NCOR1: variants seen among roughly 807,000 people sequenced by gnomAD.
The protein encoded by NCOR1 is protein phosphatase 1, regulatory subunit 109.
Under a neutral mutation model 288.1 loss-of-function variants are expected in NCOR1, and 63 were observed. The observed-to-expected ratio is 0.22, with a 90% CI of 0.18 to 0.27. The LOEUF is 0.27. Ranked by LOEUF, NCOR1 falls within the 10% of genes least tolerant of loss-of-function variation. The pLI, the probability that NCOR1 is intolerant of heterozygous loss-of-function variation, is 1.00. For missense variants in NCOR1, 2,397 were observed against 3,019.2 expected, an observed-to-expected ratio of 0.79 and a Z score of 4.83; for synonymous variants, 1,007 against 1,065.9, an observed-to-expected ratio of 0.94 and a Z score of 1.08.
intron 13 of NCOR1, chr17:16,137,923 T>C: frequency 2.3e-6 from 1 of 428,678 alleles, no homozygotes; most frequent in Non-Finnish European, 4.1e-6. Context: ...AGCATTGTAA[T>C]CTATGTGTTT....
chr17:16,080,767 C>G, intron 23 of NCOR1, 40 bp from the exon 24 acceptor site: 1 of 1,569,236 alleles, frequency 6.4e-7, no homozygotes, highest in Non-Finnish European at 8.7e-7. Context: ...ATTAAGCAAA[C>G]ATTGTTTTTT....
chr17:16,099,133 C>T (rs769368271), intron 20 of NCOR1, among the ~76,000 whole-genome samples: 1 of 152,230 alleles, frequency 6.6e-6, no homozygotes, highest in African/African-American at 2.4e-5. Flanking sequence ...CAGCGACCTG[C>T]CATGCATCCA....
rs780562500 is a variant in NCOR1, at chr17:16,080,064, C to T, written c.3401G>A (p.Gly1134Asp). 6.2e-7 allele frequency: 1 copy of T among 1,613,244 alleles called. No individual in the cohort carries two copies. The highest frequency in any genetic ancestry group is 1.1e-5 in the South Asian group (1 of 91,056). Residue 1134 changes from glycine to aspartate, a missense_variant and splice_region_variant, in exon 26 of 46, where the codon GGT becomes GAT. Gly to Asp is a moderately conservative substitution (Grantham distance 94, BLOSUM62 -1). This residue lies in a region of NCOR1 where 1,872 missense variants were observed against 2,187.8 expected (regional missense o/e 0.86). Coordinates refer to ENST00000268712, the MANE Select transcript of NCOR1 (RefSeq NM_006311.4). Reference protein sequence around the residue: ...VRAQHEGVVRGTAGAIQEGSI... With the variant: ...VRAQHEGVVRDTAGAIQEGSI... ...TCCTTCTTGTATGGCTCCTGCGGTA[C>T]CTGAATACAAACAAAGCTATTAGCA...
At chr17:16,184,096 C>T (rs2086098201) in intron 3 of NCOR1, among the ~76,000 whole-genome samples, 1 of 152,104 alleles carries the variant, frequency 6.6e-6, no homozygotes, top group African/African-American at 2.4e-5. Context: ...GGATAAAATA[C>T]TTAAATATAA....
chr17:16,149,502 C>T lies in NCOR1; in HGVS notation c.858G>A (p.Arg286=), dbSNP rs749917379. ...TTTTAAAAAATAAAATGAGTTTTTTCCTCATCACCTGGTTTCTAGAAGAGA... is the reference window on the plus strand; with the variant it reads ...TTTTAAAAAATAAAATGAGTTTTTTTCTCATCACCTGGTTTCTAGAAGAGA... ...HENIKTNQVM[R]KKLILFFKRR... Residue 286 remains arginine (R), a synonymous_variant, in exon 9 of 46, where the codon AGG becomes AGA. Transcript: ENST00000268712. The T allele has an allele frequency of 1.6e-5, 24 of 1,542,984 alleles. No homozygotes were observed. The South Asian group carries it at 2.7e-4, about 17-fold the overall frequency.
At chr17:16,058,385 T>G in intron 38 of NCOR1, 86 bp downstream of exon 38, 1 of 1,481,848 alleles carries the variant, frequency 6.7e-7, no homozygotes, top group Admixed American at 2.2e-5. Flanking sequence ...AACAAGTTAA[T>G]TCTTACTATG....
At chr17:16,043,681 A>G (rs1483687734) in intron 42 of NCOR1, among the ~76,000 whole-genome samples, 6 of 152,210 alleles carry the variant, frequency 3.9e-5, no homozygotes, top group African/African-American at 1.2e-4. Flanking sequence ...AGCAGACCAC[A>G]CAAAGGTGAA....
At chr17:16,211,525 G>A (rs927066450) in intron 1 of NCOR1, among the ~76,000 whole-genome samples, 2 of 152,100 alleles carry the variant, frequency 1.3e-5, no homozygotes, top group Non-Finnish European at 2.9e-5. Flanking sequence ...GAGCCACTGT[G>A]CCCTGCCATT....
chr17:16,197,884 T>A (rs1056477955), intron 1 of NCOR1, among the ~76,000 whole-genome samples: 1 of 151,858 alleles, frequency 6.6e-6, no homozygotes, highest in African/African-American at 2.4e-5. Flanking sequence ...AAGCGAAAAA[T>A]CTCCTCGCCC....
chr17:16,043,663 A>G (rs1231378728), intron 42 of NCOR1, among the ~76,000 whole-genome samples: 1 of 152,226 alleles, frequency 6.6e-6, no homozygotes, highest in South Asian at 2.1e-4. Context: ...GACAAAGACT[A>G]CAGAATGAGC....
rs370441022 is a variant in NCOR1 at position 16,092,073 on chromosome 17, T to C, written c.2821-15A>G. On this transcript the variant is annotated splice_polypyrimidine_tract_variant and intron_variant, in intron 21 of 45. Transcript: ENST00000268712. ...GTGCAGGATACCTATAGGAAGAAAA[T>C]AAATCGAAATATGCAAACAACCAAT... 10 of 1,610,672 alleles carry C rather than the reference T, an allele frequency of 6.2e-6. No individual in the cohort carries two copies. Among genetic ancestry groups the C allele is most frequent in the Non-Finnish European group, 6.8e-6 (8 of 1,178,942 alleles).
At chr17:16,056,884 G>T (rs1196542381) in intron 40 of NCOR1, 1 of 151,232 alleles carries the variant, frequency 6.6e-6, no homozygotes, top group Non-Finnish European at 1.5e-5. Context: ...ATATGTGTGT[G>T]TATCTATACA....
chr17:16,142,572 A>T (rs1201345787), intron 11 of NCOR1, among the ~76,000 whole-genome samples: 1 of 152,210 alleles, frequency 6.6e-6, no homozygotes, highest in Non-Finnish European at 1.5e-5. Context: ...TTCTGCATTT[A>T]TTTATTAATA....
At chr17:16,054,211 A>T (rs1174587340) in intron 40 of NCOR1, among the ~76,000 whole-genome samples, 1 of 152,112 alleles carries the variant, frequency 6.6e-6, no homozygotes, top group Non-Finnish European at 1.5e-5. Flanking sequence ...GACAAGTGGG[A>T]TCTAATTTAA....
At chr17:16,085,779 G>A (rs2152858233) in intron 23 of NCOR1, among the ~76,000 whole-genome samples, 1 of 152,308 alleles carries the variant, frequency 6.6e-6, no homozygotes, top group Admixed American at 6.5e-5. Context: ...AAGTTGACAG[G>A]GGTGTGACCA....
intron 2 of NCOR1, among the ~76,000 whole-genome samples, chr17:16,187,828 A>G (rs559533714): frequency 6.6e-6 from 1 of 150,858 alleles, no homozygotes; most frequent in African/African-American, 2.4e-5. Context: ...TGAGCCCAAG[A>G]GTTAGAGGCT....
intron 40 of NCOR1, chr17:16,049,206 G>A (rs894275305): frequency 3.5e-5 from 12 of 346,982 alleles, no homozygotes; most frequent in East Asian, 4.8e-5. Flanking sequence ...TGACCCATGC[G>A]CGCCCCGTGG....
chr17:16,130,804 C>T (rs2075484889), intron 14 of NCOR1, among the ~76,000 whole-genome samples: 1 of 152,032 alleles, frequency 6.6e-6, no homozygotes, highest in African/African-American at 2.4e-5. Context: ...CCACCTCAGC[C>T]TCCTGAGTAG....
chr17:16,138,052 T>C, intron 13 of NCOR1, 106 bp downstream of exon 13: 1 of 846,886 alleles, frequency 1.2e-6, no homozygotes, highest in Admixed American at 2.5e-5. Flanking sequence ...TCGCAGTCTT[T>C]TTAAAATCGG....
Sources: allele counts gnomAD v4.1 joint callset (sites outside exome capture counted in the v4.1 genomes callset), GRCh38; gene constraint gnomAD v4.1.1; regional missense constraint gnomAD v4.1.1; transcripts MANE v1.5; gene names NCBI Gene and HGNC (gene_info 2026-07-23, HGNC 2026-07-21).